LIPG: variants seen among roughly 807,000 people sequenced by gnomAD.
The protein encoded by LIPG is endothelial lipase.
A neutral mutation model predicts 51.8 loss-of-function variants in LIPG; 34 were observed. The observed-to-expected ratio is 0.66, with a 90% CI of 0.50 to 0.87. The LOEUF (loss-of-function observed/expected upper bound fraction) is 0.87. Among genes scored for constraint, LIPG ranks in the 40% least tolerant of loss-of-function variants. The probability of loss-of-function intolerance (pLI) is 0.00; values close to 1 mark genes in which losing one functional copy is unlikely to be tolerated. For missense variants in LIPG, 580 were observed against 652.7 expected, an observed-to-expected ratio of 0.89 and a Z score of 1.21; for synonymous variants, 246 against 246.1, an observed-to-expected ratio of 1.00 and a Z score of 0.00.
At chr18:49,562,839 G>A (rs970324996) in intron 1 of LIPG, among the ~76,000 whole-genome samples, 1 of 152,196 alleles carries the variant, frequency 6.6e-6, no homozygotes, top group African/African-American at 2.4e-5. Context: ...TGAAAGTTCA[G>A]GTGGCAGGGT....
At chr18:49,561,914 A>C (rs1227533372), upstream of LIPG, 2 of 1,332,528 alleles carry the variant, frequency 1.5e-6, no homozygotes, top group Admixed American at 3.5e-5. Flanking sequence ...GCTTTCATTC[A>C]AACTTTCTCC....
Position 49,591,778 on chromosome 18 carries a change from AAGG to A in LIPG, c.*1257_*1259del, listed in dbSNP as rs1288104070. The A allele has an allele frequency of 6.6e-6, 1 of 152,142 alleles. No homozygotes were observed. The highest frequency in any genetic ancestry group is 1.9e-4 in the East Asian group (1 of 5,196). The allele number at this position is 152,142 out of a possible 1,614,324, so 9.4% of individuals were successfully genotyped here. On this transcript the variant is annotated 3_prime_UTR_variant, in exon 10 of 10. Coordinates refer to ENST00000261292, the MANE Select transcript of LIPG (RefSeq NM_006033.4). ...CATTGCCTAATTAGAGTAGGGGGAG[AAGG>A]GCAACTATTATTATCCCTATTTTAC...
chr18:49,571,920 A>C (rs1365285418), intron 4 of LIPG, among the ~76,000 whole-genome samples: 1 of 152,184 alleles, frequency 6.6e-6, no homozygotes, highest in East Asian at 1.9e-4. Flanking sequence ...TTATAGTTGA[A>C]CCTGTGCCTT....
chr18:49,576,456 G>GATTTTTTT (rs1568530697), intron 5 of LIPG, among the ~76,000 whole-genome samples: 1 of 31,334 alleles, frequency 3.2e-5, no homozygotes, highest in African/African-American at 1.7e-4. Flanking sequence ...ACAGAATCTT[G>GATTTTTTT]CTTTTTTTTT....
chr18:49,574,000 T>C (rs1430174652), intron 4 of LIPG, among the ~76,000 whole-genome samples: 1 of 152,194 alleles, frequency 6.6e-6, no homozygotes, highest in Non-Finnish European at 1.5e-5. Context: ...AGCAACTCTC[T>C]CCATCAGAAT....
intron 6 of LIPG, 175 bp downstream of exon 6, chr18:49,581,832 T>C (rs1210605649): frequency 6.2e-6 from 5 of 801,846 alleles, no homozygotes; most frequent in South Asian, 3.0e-5. Context: ...CTTTACAAAA[T>C]AAACAGTGTG....
chr18:49,589,484 C>T (rs1173301784), intron 9 of LIPG: 2 of 152,308 alleles, frequency 1.3e-5, no homozygotes, highest in Non-Finnish European at 2.9e-5. Context: ...TTTATTGAGA[C>T]AGGGTCTTGC....
intron 2 of LIPG, among the ~76,000 whole-genome samples, chr18:49,566,491 G>T (rs906089020): frequency 2.6e-5 from 4 of 152,182 alleles, no homozygotes. Flanking sequence ...TGGTGTTTGG[G>T]TTCCCAGGCT....
At chr18:49,576,753 G>C (rs1322948275) in intron 5 of LIPG, among the ~76,000 whole-genome samples, 1 of 152,034 alleles carries the variant, frequency 6.6e-6, no homozygotes, top group African/African-American at 2.4e-5. Flanking sequence ...TTACAGGTGT[G>C]AGCCACTGCA....
At chr18:49,584,582 C>T (rs1256171522) in intron 8 of LIPG, among the ~76,000 whole-genome samples, 5 of 152,218 alleles carry the variant, frequency 3.3e-5, no homozygotes, top group Non-Finnish European at 5.9e-5. Flanking sequence ...TGTCCCTCCT[C>T]TGGCATTTTC....
intron 4 of LIPG, 108 bp downstream of exon 4, chr18:49,569,656 T>C: frequency 2.2e-6 from 2 of 908,400 alleles, no homozygotes; most frequent in East Asian, 5.2e-5. Context: ...GGAAGGAACC[T>C]GGAAAGCATC....
At chr18:49,564,669 C>T (rs1327483039) in intron 1 of LIPG, among the ~76,000 whole-genome samples, 1 of 152,252 alleles carries the variant, frequency 6.6e-6, no homozygotes, top group Non-Finnish European at 1.5e-5. Context: ...ATTCCAAAAT[C>T]CACAAACTCT....
rs1182355950 is a variant in LIPG at position 49,594,904 on chromosome 18, T to G, written c.*4382T>G. ...GGTGTCTCTGGCATAGTAAAGAAAATTGTTGAAATTTCCCAAAGGAAGAGT... is the reference window on the plus strand; with the variant it reads ...GGTGTCTCTGGCATAGTAAAGAAAAGTGTTGAAATTTCCCAAAGGAAGAGT... On this transcript the variant is annotated 3_prime_UTR_variant, in exon 10 of 10. Coordinates refer to ENST00000261292, the MANE Select transcript of LIPG (RefSeq NM_006033.4). 6.6e-6 allele frequency: 1 copy of G among 152,022 alleles called. No individual in the cohort carries two copies. The highest frequency in any genetic ancestry group is 2.4e-5 in the African/African-American group (1 of 41,378). The allele number at this position is 152,022 out of a possible 1,614,324, so 9.4% of individuals were successfully genotyped here. A position where few individuals can be genotyped will look rare whatever the true frequency, so the allele number is the denominator to read the frequency against.
At position 49,583,757 on chromosome 18, in the gene LIPG, T is replaced by C; in HGVS notation, c.1359T>C (p.Ser453=). 1 of 1,612,894 alleles carries C rather than the reference T, an allele frequency of 6.2e-7. No homozygotes were observed. The highest frequency in any genetic ancestry group is 8.5e-7 in the Non-Finnish European group (1 of 1,179,706). ...ATATCAGGCGCATCCGGGTGAAGTC[T>C]GGGGAAACCCAGCGGAAGTAAGTGC... ...ELNIRRIRVK[S]GETQRKLTFC... The change falls in exon 8 of 10, where the codon TCT becomes TCC. Residue 453 remains serine (S), a synonymous_variant. Transcript: ENST00000261292.
chr18:49,587,901 G>A (rs1399472671), intron 9 of LIPG, among the ~76,000 whole-genome samples: 2 of 151,794 alleles, frequency 1.3e-5, no homozygotes, highest in Non-Finnish European at 2.9e-5. Context: ...TGATCCTTCC[G>A]CCTTTGCCTC....
rs35773018 is a variant in LIPG, at chr18:49,596,635, CAAAAAAAAAAA to C, written c.*6126_*6136del. The C allele has an allele frequency of 1.8e-5, 1 of 55,946 alleles. No homozygotes were observed. The highest frequency in any genetic ancestry group is 6.7e-5 in the African/African-American group (1 of 15,012). The allele number at this position is 55,946 out of a possible 1,614,324, so 3.5% of individuals were successfully genotyped here. Reference sequence around the variant, plus strand: ...GGGCAACAAGAGCAAATCTCTATCTCAAAAAAAAAAAAAAAAAAAAAAAGGCCACAGAAATG... The same window carrying C: ...GGGCAACAAGAGCAAATCTCTATCTCAAAAAAAAAAAAGGCCACAGAAATG... On this transcript the variant is annotated 3_prime_UTR_variant, in exon 10 of 10. Transcript: ENST00000261292.
Position 49,562,186 on chromosome 18 carries a change from C to T in LIPG, c.-123C>T. The T allele has an allele frequency of 3.2e-6, 5 of 1,553,736 alleles. No homozygotes were observed. The highest frequency in any genetic ancestry group is 1.2e-5 in the South Asian group (1 of 84,510). ...AAGTTTTCATTTTCCACCTTCTCTG[C>T]CTCCAGTCCCCCAGCCCCTGGCCGA... On this transcript the variant is annotated 5_prime_UTR_variant, in exon 1 of 10. Coordinates refer to ENST00000261292, the MANE Select transcript of LIPG (RefSeq NM_006033.4).
chr18:49,580,231 ACTT>A lies in LIPG; in HGVS notation c.794-1183_794-1181del, dbSNP rs1167320758. ...CCAGAAAATCCAAATTGTATGCCTA[ACTT>A]TGTAACCAACTGTCTCTATGACCCT... On this transcript the variant is annotated intron_variant, in intron 5 of 9. Coordinates refer to ENST00000261292, the MANE Select transcript of LIPG (RefSeq NM_006033.4). Among the ~76,000 whole-genome samples the A allele has an allele frequency of 1.2e-4, 18 of 152,304 alleles. No homozygotes were observed. In the East Asian group the frequency reaches 3.1e-3, roughly 26 times the overall value.
intron 5 of LIPG, among the ~76,000 whole-genome samples, chr18:49,579,025 A>T (rs1433814252): frequency 0.011 from 1 of 92 alleles, no homozygotes; most frequent in East Asian, 0.12. Flanking sequence ...GGAGAGGGAG[A>T]GGGAGAGGGA....
Sources: gnomAD v4.1 joint callset for allele counts (sites outside exome capture counted in the v4.1 genomes callset) on GRCh38, gnomAD v4.1.1 for gene constraint, MANE v1.5 for transcripts, NCBI Gene and HGNC (gene_info 2026-07-23, HGNC 2026-07-21) for gene names.